TMEM117: variants seen among roughly 807,000 people sequenced by gnomAD.
TMEM117 encodes transmembrane protein 117.
In TMEM117, 27 loss-of-function variants were observed where a neutral mutation model predicts 52.4. The ratio of observed to expected loss-of-function variants is 0.51; its 90% CI spans 0.38 to 0.71. The LOEUF (loss-of-function observed/expected upper bound fraction) is 0.71. Ranked by LOEUF, TMEM117 falls within the 30% of genes least tolerant of loss-of-function variation. The pLI is 0.00. For missense variants in TMEM117, 556 were observed against 630.5 expected (o/e 0.88, Z 1.26); for synonymous variants, 215 against 206.3 (o/e 1.04, Z -0.36).
At chr12:44,336,888 C>A (rs937974966) in intron 6 of TMEM117, among the ~76,000 whole-genome samples, 3 of 151,986 alleles carry the variant, frequency 2.0e-5, no homozygotes, top group Non-Finnish European at 4.4e-5. Flanking sequence ...GACCTACTGT[C>A]ATCTAGAGCA....
intron 5 of TMEM117, among the ~76,000 whole-genome samples, chr12:44,270,067 T>C (rs1950427972): frequency 6.6e-6 from 1 of 152,160 alleles, no homozygotes; most frequent in African/African-American, 2.4e-5. Context: ...TTTTCAGTGT[T>C]ATTTCACATT....
chr12:43,983,891 G>T (rs1485282196), intron 3 of TMEM117, among the ~76,000 whole-genome samples: 1 of 151,882 alleles, frequency 6.6e-6, no homozygotes, highest in Non-Finnish European at 1.5e-5. Context: ...TATCAGTAAT[G>T]CATATATTAA....
At chr12:44,012,946 G>C (rs992402518) in intron 3 of TMEM117, among the ~76,000 whole-genome samples, 8 of 152,046 alleles carry the variant, frequency 5.3e-5, no homozygotes, top group African/African-American at 1.9e-4. Flanking sequence ...TGATGCAGTG[G>C]TAGGGTGTGG....
the TMEM117 span, among the ~76,000 whole-genome samples, chr12:44,398,922 A>G: frequency 6.6e-6 from 1 of 152,238 alleles, no homozygotes; most frequent in African/African-American, 2.4e-5. Context: ...AGTTATTTGT[A>G]TGGCTCAATC....
intron 3 of TMEM117, among the ~76,000 whole-genome samples, chr12:44,128,172 A>G (rs758607324): frequency 2.0e-5 from 3 of 152,218 alleles, no homozygotes; most frequent in Non-Finnish European, 4.4e-5. Flanking sequence ...GCATTCCAGC[A>G]GCAGCCCTGA....
chr12:43,893,536 CT>C (rs1944145627), intron 2 of TMEM117, among the ~76,000 whole-genome samples: 1 of 152,174 alleles, frequency 6.6e-6, no homozygotes, highest in Admixed American at 6.5e-5. Context: ...ACCTAAATCT[CT>C]GTCCATTACT....
chr12:43,870,257 CT>C (rs1342649067), intron 2 of TMEM117, among the ~76,000 whole-genome samples: 2,303 of 142,246 alleles, frequency 0.016, 30 homozygotes, highest in African/African-American at 0.052. Flanking sequence ...GTGCATGTGT[CT>C]TTTTTTTTTT....
chr12:44,009,626 TG>T, intron 3 of TMEM117: 1 of 237,116 alleles, frequency 4.2e-6, no homozygotes. Flanking sequence ...ACATTCCTTC[TG>T]GAACACTCGC....
intron 5 of TMEM117, among the ~76,000 whole-genome samples, chr12:44,228,734 C>T (rs1465138094): frequency 6.6e-6 from 1 of 151,922 alleles, no homozygotes; most frequent in African/African-American, 2.4e-5. Context: ...TGGGGATATG[C>T]TTGGCATGTT....
intron 5 of TMEM117, among the ~76,000 whole-genome samples, chr12:44,294,212 C>A (rs964243530): frequency 1.3e-5 from 2 of 151,956 alleles, no homozygotes; most frequent in African/African-American, 4.8e-5. Flanking sequence ...GTCTCTTTTC[C>A]CTTGCTGCTT....
chr12:44,072,225 A>C (rs1399304770), intron 3 of TMEM117, among the ~76,000 whole-genome samples: 1 of 152,090 alleles, frequency 6.6e-6, no homozygotes. Flanking sequence ...CAAAAAAAAA[A>C]ATTAAGAGGC....
chr12:43,877,362 G>A (rs1016546142), intron 2 of TMEM117, among the ~76,000 whole-genome samples: 2 of 152,014 alleles, frequency 1.3e-5, no homozygotes, highest in South Asian at 2.1e-4. Context: ...GACTGGGTGC[G>A]GTGGCTCACG....
chr12:44,213,505 A>G (rs538029040), intron 5 of TMEM117, among the ~76,000 whole-genome samples: 2 of 152,312 alleles, frequency 1.3e-5, no homozygotes, highest in South Asian at 4.1e-4. Context: ...TTTATTTACT[A>G]TGTTTACACA....
intron 2 of TMEM117, among the ~76,000 whole-genome samples, chr12:43,850,307 G>A (rs1943284240): frequency 6.6e-6 from 1 of 152,178 alleles, no homozygotes; most frequent in Non-Finnish European, 1.5e-5. Context: ...TGATGGATTA[G>A]CATTTAAGAT....
At chr12:44,323,450 C>G (rs1951158598) in intron 6 of TMEM117, among the ~76,000 whole-genome samples, 1 of 151,980 alleles carries the variant, frequency 6.6e-6, no homozygotes, top group African/African-American at 2.4e-5. Flanking sequence ...ATCTTATTTC[C>G]TCTATTAGAT....
intron 3 of TMEM117, among the ~76,000 whole-genome samples, chr12:43,965,860 C>T (rs965577476): frequency 6.6e-6 from 1 of 152,092 alleles, no homozygotes; most frequent in East Asian, 1.9e-4. Flanking sequence ...AGGTAGTGAG[C>T]GTAGTAACCA....
intron 4 of TMEM117, among the ~76,000 whole-genome samples, chr12:44,194,988 T>C (rs921195771): frequency 1.3e-5 from 2 of 152,198 alleles, no homozygotes; most frequent in Non-Finnish European, 2.9e-5. Context: ...AACATTTCCA[T>C]CTATATGCTG....
chr12:44,389,059 T>TTCA lies in TMEM117; in HGVS notation c.*388_*389insCAT. Reference sequence around the variant, plus strand: ...TACCTAACCTATTTCACATGGGCGTTTTGTATACAACTATTTTGATCTACA... The same window carrying TTCA: ...TACCTAACCTATTTCACATGGGCGTTTCATTGTATACAACTATTTTGATCTACA... On this transcript the variant is annotated 3_prime_UTR_variant, in exon 8 of 8. Transcript: ENST00000266534. The TTCA allele has an allele frequency of 5.6e-6, 1 of 177,348 alleles. No individual in the cohort carries two copies. The highest frequency in any genetic ancestry group is 1.2e-5 in the Non-Finnish European group (1 of 81,634). The allele number at this position is 177,348 out of a possible 1,614,324, so 11.0% of individuals were successfully genotyped here.
chr12:44,321,232 T>C (rs552316913), intron 6 of TMEM117, among the ~76,000 whole-genome samples: 1 of 152,318 alleles, frequency 6.6e-6, no homozygotes, highest in South Asian at 2.1e-4. Context: ...CATAGTATTT[T>C]ACAAAGCACA....
Sources: allele counts gnomAD v4.1 joint callset (sites outside exome capture counted in the v4.1 genomes callset), GRCh38; gene constraint gnomAD v4.1.1; transcripts MANE v1.5; gene names NCBI Gene and HGNC (gene_info 2026-07-23, HGNC 2026-07-21).